The following NCF4 variants were observed in gnomAD, a reference collection of about 807,000 sequenced individuals.
NCF4 encodes neutrophil cytosolic factor 4.
NCF4 carries 30 observed loss-of-function variants against 41.7 expected under a neutral mutation model. The ratio of observed to expected loss-of-function variants is 0.72; its 90% CI spans 0.54 to 0.97. The LOEUF is 0.97. NCF4 is among the 50% of genes least tolerant of loss of function. NCF4 has a pLI of 0.00. For synonymous variants in NCF4, 195 were observed against 175.8 expected (o/e 1.11, Z -0.87); for missense variants, 432 against 460.9 (o/e 0.94, Z 0.57).
chr22:36,861,281 G>T (rs1298663253), intron 1 of NCF4, 78 bp downstream of exon 1: 11 of 1,492,194 alleles, frequency 7.4e-6, no homozygotes, highest in Non-Finnish European at 3.7e-6. Context: ...CAGTCCTTCT[G>T]CAGTCCCTGA....
chr22:36,871,988 C>A, intron 6 of NCF4: 1 of 631,758 alleles, frequency 1.6e-6, no homozygotes, highest in South Asian at 1.8e-5. Context: ...TGAGTCAGCC[C>A]TGCCTTAGGC....
chr22:36,872,722 G>A (rs1313603750), intron 7 of NCF4, among the ~76,000 whole-genome samples: 4 of 149,328 alleles, frequency 2.7e-5, no homozygotes, highest in Non-Finnish European at 4.5e-5. Flanking sequence ...GGTGAGGTTG[G>A]AGGTGAGATT....
intron 5 of NCF4, 77 bp from the exon 6 acceptor site, chr22:36,871,575 C>A: frequency 6.8e-7 from 1 of 1,478,002 alleles, no homozygotes; most frequent in Non-Finnish European, 9.3e-7. Flanking sequence ...TTGCAAGGGG[C>A]TCCTCTGGAC....
chr22:36,870,011 C>T (rs1472027602), intron 4 of NCF4: 12 of 313,074 alleles, frequency 3.8e-5, no homozygotes, highest in Non-Finnish European at 6.9e-5. Context: ...GGCTTTGTGG[C>T]CTTGAGCATA....
intron 6 of NCF4, 35 bp from the exon 7 acceptor site, chr22:36,872,292 C>A: frequency 6.9e-7 from 1 of 1,453,846 alleles, no homozygotes; most frequent in Non-Finnish European, 9.7e-7. Flanking sequence ...AGTGAGTGTT[C>A]TCTCCTTCCC....
rs1171092471 is a variant in NCF4, at chr22:36,862,918, GCCTCCCCCAGGGCAGGCTCCAAAA to G, written c.33-1115_33-1092del. ...CCCTCCAAGGGTTCTTCCAACCTCGGCCTCCCCCAGGGCAGGCTCCAAAACCTCCCCCAGGCCAGGCTCCAAAGT... is the reference window on the plus strand; with the variant it reads ...CCCTCCAAGGGTTCTTCCAACCTCGGCCTCCCCCAGGCCAGGCTCCAAAGT... On this transcript the variant is annotated intron_variant, in intron 1 of 9. Coordinates refer to ENST00000248899, the MANE Select transcript of NCF4 (RefSeq NM_000631.5). Among the ~76,000 whole-genome samples, 4 of 152,080 alleles carry G rather than the reference GCCTCCCCCAGGGCAGGCTCCAAAA, an allele frequency of 2.6e-5. No individual in the cohort carries two copies. In the East Asian group the frequency reaches 7.7e-4, roughly 29 times the overall value.
intron 9 of NCF4, among the ~76,000 whole-genome samples, chr22:36,876,614 A>C (rs930936123): frequency 1.3e-5 from 2 of 152,084 alleles, no homozygotes; most frequent in East Asian, 1.9e-4. Flanking sequence ...CAGTACTTAC[A>C]CCCCACACAC....
intron 7 of NCF4, among the ~76,000 whole-genome samples, chr22:36,874,456 G>A (rs2044788384): frequency 6.6e-6 from 1 of 152,192 alleles, no homozygotes; most frequent in Non-Finnish European, 1.5e-5. Context: ...GGTTTAGCCA[G>A]TTTAGCAGTT....
chr22:36,866,839 A>G (rs978608533), intron 3 of NCF4, among the ~76,000 whole-genome samples: 1 of 152,106 alleles, frequency 6.6e-6, no homozygotes. Flanking sequence ...CCACTTAACA[A>G]ATGCTCATTC....
rs10671614 is a variant in NCF4 at position 36,867,142 on chromosome 22, T to TGTGTGTGTGC, written c.272-249_272-248insTGTGTGTGCG. The stretch of plus-strand genomic sequence containing the variant: ...GTGTGTGTGTGTGTGTGTGTGTGTG[T>TGTGTGTGTGC]GCGCTTGGATGAACAGGCAGTAAAT... On this transcript the variant is annotated intron_variant, in intron 3 of 9. Transcript: ENST00000248899. Among the ~76,000 whole-genome samples the TGTGTGTGTGC allele has an allele frequency of 0.025, 3,726 of 150,486 alleles. 87 individuals carry two copies. The highest frequency in any genetic ancestry group is 0.053 in the African/African-American group (2,139 of 40,500).
Position 36,877,797 on chromosome 22 carries a change from T to C in NCF4, c.994T>C (p.Tyr332His). 6.2e-7 allele frequency: 1 copy of C among 1,613,880 alleles called. No homozygotes were observed. The highest frequency in any genetic ancestry group is 8.5e-7 in the Non-Finnish European group (1 of 1,179,914). The change falls in exon 10 of 10, where the codon TAC becomes CAC. Residue 332 changes from tyrosine to histidine, a missense_variant. Transcript: ENST00000248899. ...GCTGCACATCACGCAGAAGGACAACTACAGGGTCTACAACACGATGCCATG... is the reference window on the plus strand; with the variant it reads ...GCTGCACATCACGCAGAAGGACAACCACAGGGTCTACAACACGATGCCATG... ...WKLHITQKDN[Y>H]RVYNTMP is the part of the protein sequence containing the mutation.
chr22:36,870,572 G>A lies in NCF4; in HGVS notation c.470+30G>A, dbSNP rs1390593397. The A allele has an allele frequency of 2.5e-6, 4 of 1,607,668 alleles. No individual in the cohort carries two copies. In the African/African-American group the frequency reaches 5.3e-5, roughly 21 times the overall value. On this transcript the variant is annotated intron_variant, in intron 5 of 9. Transcript: ENST00000248899. ...GTGACCAGCCCCTGGGCTTCCACAT[G>A]GCCAGAGCCCTGGGTCCCTGCTGGA...
chr22:36,866,944 C>T (rs561691864), intron 3 of NCF4, among the ~76,000 whole-genome samples: 137 of 152,126 alleles, frequency 9.0e-4, no homozygotes, highest in Middle Eastern at 6.8e-3. Flanking sequence ...GAGTCCTGCC[C>T]CCGGAGATTC....
chr22:36,873,649 A>C (rs1269283545), intron 7 of NCF4, among the ~76,000 whole-genome samples: 1 of 152,118 alleles, frequency 6.6e-6, no homozygotes, highest in South Asian at 2.1e-4. Flanking sequence ...AGGGCAAGTA[A>C]GTTAACCTAC....
rs780975917 is a variant in NCF4, at chr22:36,876,086, G to A, written c.816G>A (p.Glu272=). The A allele has an allele frequency of 1.2e-6, 2 of 1,608,136 alleles. No individual in the cohort carries two copies. Among genetic ancestry groups the A allele is most frequent in the African/African-American group, 2.7e-5 (2 of 74,964 alleles). The change falls in exon 9 of 10, where the codon GAG becomes GAA. Residue 272 remains glutamate, a synonymous_variant. Coordinates refer to ENST00000248899, the MANE Select transcript of NCF4 (RefSeq NM_000631.5). ...CTCCCCTATTGAAAGACCTGCTGGA[G>A]CTCACAAGGTGAGGGGCTGGGAATG... ...SSTPLLKDLL[E]LTRREFQRED... is the part of the protein sequence containing the mutation.
rs1940227140 is a variant in NCF4, at chr22:36,877,786, A to C, written c.983A>C (p.Gln328Pro). Residue 328 changes from glutamine (Q) to proline (P), a missense_variant, in exon 10 of 10, where the codon CAG becomes CCG. Gln to Pro is a moderately conservative substitution (Grantham distance 76). Coordinates refer to ENST00000248899, the MANE Select transcript of NCF4 (RefSeq NM_000631.5). ...RLFPWKLHIT[Q>P]KDNYRVYNTM... ...TTCCCCTGGAAGCTGCACATCACGC[A>C]GAAGGACAACTACAGGGTCTACAAC... 1 of 1,614,082 alleles carries C rather than the reference A, an allele frequency of 6.2e-7. No homozygotes were observed.
chr22:36,873,409 A>G (rs1187230494), intron 7 of NCF4, among the ~76,000 whole-genome samples: 1 of 150,452 alleles, frequency 6.6e-6, no homozygotes, highest in Non-Finnish European at 1.5e-5. Context: ...GGTTAGGCTG[A>G]GATTAGAGGT....
Position 36,877,691 on chromosome 22 carries a change from G to A in NCF4, c.888G>A (p.Arg296=), listed in dbSNP as rs1225641160. 1 of 1,614,064 alleles carries A rather than the reference G, an allele frequency of 6.2e-7. No individual in the cohort carries two copies. Among genetic ancestry groups the A allele is most frequent in the East Asian group, 2.2e-5 (1 of 44,894 alleles). Residue 296 remains arginine (R), a synonymous_variant, in exon 10 of 10, where the codon CGG becomes CGA. Coordinates refer to ENST00000248899, the MANE Select transcript of NCF4 (RefSeq NM_000631.5). ...NYRDAEGDLV[R]LLSDEDVALM... ...GGGACGCTGAGGGGGATCTGGTTCG[G>A]CTGCTGTCGGATGAGGACGTAGCGC...
At chr22:36,870,658 A>G (rs1940035350) in intron 5 of NCF4, 116 bp downstream of exon 5, 9 of 1,368,256 alleles carry the variant, frequency 6.6e-6, no homozygotes, top group Non-Finnish European at 9.1e-6. Flanking sequence ...ATCCCTGGAC[A>G]CTCCAGGATG....
Sources: gnomAD v4.1 joint callset for allele counts (sites outside exome capture counted in the v4.1 genomes callset) on GRCh38, gnomAD v4.1.1 for gene constraint, MANE v1.5 for transcripts, NCBI Gene and HGNC (gene_info 2026-07-23, HGNC 2026-07-21) for gene names.